The following CASK variants were observed in gnomAD, a reference collection of about 807,000 sequenced individuals.
CASK encodes calcium/calmodulin dependent serine protein kinase, also known as peripheral plasma membrane protein CASK.
CASK carries 4 observed loss-of-function variants against 82.9 expected under a neutral mutation model. That is an observed-to-expected ratio of 0.05 (90% confidence interval 0.02 to 0.11). The LOEUF is 0.11. Ranked by LOEUF, CASK falls within the 10% of genes least tolerant of loss-of-function variation. The pLI is 1.00. For synonymous variants in CASK, 259 were observed against 253.5 expected, an observed-to-expected ratio of 1.02 and a Z score of -0.20; for missense variants, 358 against 720.9, an observed-to-expected ratio of 0.50 and a Z score of 5.76.
At chrX:41,826,404 T>C (rs757723430) in intron 2 of CASK, among the ~76,000 whole-genome samples, 2 of 112,240 alleles carry the variant, frequency 1.8e-5, no homozygotes, top group East Asian at 5.6e-4. Context: ...CACTCTGAAG[T>C]CTCTAAGGGA....
At chrX:41,794,909 C>T (rs1036519081) in intron 2 of CASK, among the ~76,000 whole-genome samples, 1 of 112,253 alleles carries the variant, frequency 8.9e-6, no homozygotes, top group Non-Finnish European at 1.9e-5. Context: ...AACAAGGACA[C>T]GTTGACAGGA....
intron 6 of CASK, 29 bp from the exon 7 acceptor site, chrX:41,665,481 T>C (rs957260664): frequency 8.9e-7 from 1 of 1,119,299 alleles, no homozygotes; most frequent in East Asian, 3.1e-5. Flanking sequence ...TAAGGAAAAA[T>C]GTTTACATAA....
intron 5 of CASK, chrX:41,696,746 A>G: frequency 1.7e-6 from 2 of 1,196,791 alleles, no homozygotes; most frequent in African/African-American, 1.7e-5. Flanking sequence ...CATCTGTGGC[A>G]GTGAAAATAC....
chrX:41,727,380 T>C (rs1268105978), intron 5 of CASK: 3 of 1,210,146 alleles, frequency 2.5e-6, no homozygotes, highest in Middle Eastern at 4.6e-4. Flanking sequence ...TAAGCCGCTA[T>C]GCTACCTTAA....
At chrX:41,747,845 AT>A (rs759267571) in intron 3 of CASK, among the ~76,000 whole-genome samples, 5 of 111,932 alleles carry the variant, frequency 4.5e-5, no homozygotes, top group Non-Finnish European at 9.4e-5. Flanking sequence ...GATAATGATT[AT>A]TTTTTTTCCA....
chrX:41,871,558 A>T, intron 1 of CASK, among the ~76,000 whole-genome samples: 1 of 112,031 alleles, frequency 8.9e-6, no homozygotes, highest in South Asian at 3.7e-4. Flanking sequence ...CTGTTTATTT[A>T]ATGACTTATT....
At chrX:41,697,047 A>T (rs2067703336) in intron 5 of CASK, 1 of 242,168 alleles carries the variant, frequency 4.1e-6, no homozygotes, top group Non-Finnish European at 7.8e-6. Context: ...CAGCAAAATA[A>T]TTAAAGTGCC....
At chrX:41,644,966 T>C (rs1046613056) in intron 8 of CASK, among the ~76,000 whole-genome samples, 4 of 111,731 alleles carry the variant, frequency 3.6e-5, no homozygotes, top group African/African-American at 1.3e-4. Flanking sequence ...TCATTAGCAA[T>C]TTTAAATTCG....
At chrX:41,665,198 G>C in intron 7 of CASK, 79 bp downstream of exon 7, 1 of 878,440 alleles carries the variant, frequency 1.1e-6, no homozygotes, top group Non-Finnish European at 1.6e-6. Context: ...AGTGGGCAAA[G>C]ACAGACAGTA....
intron 2 of CASK, among the ~76,000 whole-genome samples, chrX:41,804,275 G>A: frequency 9.0e-6 from 1 of 110,972 alleles, no homozygotes; most frequent in Non-Finnish European, 1.9e-5. Flanking sequence ...TTGAACCCGG[G>A]AGGCGGAGGC....
intron 16 of CASK, among the ~76,000 whole-genome samples, chrX:41,563,146 C>T (rs1160170969): frequency 9.7e-6 from 1 of 103,544 alleles, no homozygotes; most frequent in Admixed American, 1.1e-4. Flanking sequence ...GAGAAGATCA[C>T]TAGAGGCCAG....
At chrX:41,573,586 G>A (rs2065444933) in intron 15 of CASK, among the ~76,000 whole-genome samples, 1 of 110,994 alleles carries the variant, frequency 9.0e-6, no homozygotes. Flanking sequence ...CTTCTGAAAT[G>A]TCTAATCTGC....
intron 2 of CASK, among the ~76,000 whole-genome samples, chrX:41,822,949 A>G (rs1177804213): frequency 9.8e-6 from 1 of 102,547 alleles, no homozygotes. Context: ...CCTTTCCTCA[A>G]TTGTAGGCTA....
At chrX:41,750,322 T>C (rs1441093219) in intron 3 of CASK, among the ~76,000 whole-genome samples, 1 of 112,452 alleles carries the variant, frequency 8.9e-6, no homozygotes, top group Non-Finnish European at 1.9e-5. Flanking sequence ...TTGAACAAAG[T>C]TGATGACTCA....
At chrX:41,656,933 A>G (rs1334931004) in intron 8 of CASK, among the ~76,000 whole-genome samples, 1 of 111,628 alleles carries the variant, frequency 9.0e-6, no homozygotes, top group African/African-American at 3.3e-5. Context: ...AATTGTAACT[A>G]TGTTTTTAAA....
chrX:41,776,005 T>A (rs567818432), intron 3 of CASK, among the ~76,000 whole-genome samples: 5 of 109,284 alleles, frequency 4.6e-5, no homozygotes, highest in Admixed American at 2.0e-4. Context: ...CTGCACATTG[T>A]GCACATGTAC....
At chrX:41,551,270 G>C (rs999950031) in intron 21 of CASK, among the ~76,000 whole-genome samples, 1 of 112,170 alleles carries the variant, frequency 8.9e-6, no homozygotes, top group Non-Finnish European at 1.9e-5. Flanking sequence ...CATTCAAGGT[G>C]GACTGGTGGC....
At chrX:41,692,915 G>A (rs1039770478) in intron 5 of CASK, among the ~76,000 whole-genome samples, 1 of 112,330 alleles carries the variant, frequency 8.9e-6, no homozygotes, top group South Asian at 3.6e-4. Flanking sequence ...TACTTGTACA[G>A]CTGCTTTTAA....
At chrX:41,910,705 G>C (rs1203966069) in intron 1 of CASK, among the ~76,000 whole-genome samples, 1 of 111,953 alleles carries the variant, frequency 8.9e-6, no homozygotes, top group Non-Finnish European at 1.9e-5. Context: ...CAGTATAACA[G>C]AAATACTCAG....
Sources: gnomAD v4.1 joint callset for allele counts (sites outside exome capture counted in the v4.1 genomes callset) on GRCh38, gnomAD v4.1.1 for gene constraint, MANE v1.5 for transcripts, NCBI Gene and HGNC (gene_info 2026-07-23, HGNC 2026-07-21) for gene names.